Variants in DNAH8 observed in about 807,000 individuals in gnomAD.
DNAH8 encodes the protein axonemal beta dynein heavy chain 8.
In DNAH8, 382 loss-of-function variants were observed where a neutral mutation model predicts 562.1. That is an observed-to-expected ratio of 0.68 (90% CI 0.63 to 0.74). The LOEUF (loss-of-function observed/expected upper bound fraction) is 0.74, where lower values mean the gene tolerates loss of function less well. Among genes scored for constraint, DNAH8 ranks in the 30% least tolerant of loss-of-function variants. The pLI is 0.00. For synonymous variants in DNAH8, 1,881 were observed against 1,919.4 expected (o/e 0.98, Z 0.52); for missense variants, 5,203 against 5,620.4 (o/e 0.93, Z 2.37).
intron 79 of DNAH8, among the ~76,000 whole-genome samples, chr6:38,943,533 G>A (rs1783620888): frequency 6.6e-6 from 1 of 152,200 alleles, no homozygotes; most frequent in South Asian, 2.1e-4. Context: ...TATTTGCAAG[G>A]TGCCTTTGAC....
chr6:38,722,806 G>A lies in DNAH8; in HGVS notation c.-4G>A, dbSNP rs374378337. ...GAAGTATAAAGCATTCCGCACGACGGGGGATGGAGAAGGATGCTGAAGATG... is the reference window on the plus strand; with the variant it reads ...GAAGTATAAAGCATTCCGCACGACGAGGGATGGAGAAGGATGCTGAAGATG... On this transcript the variant is annotated 5_prime_UTR_variant, in exon 2 of 93. Coordinates refer to ENST00000327475, the MANE Select transcript of DNAH8 (RefSeq NM_001206927.2). The A allele has an allele frequency of 1.3e-6, 2 of 1,576,602 alleles. No individual in the cohort carries two copies. Among genetic ancestry groups the A allele is most frequent in the Admixed American group, 1.9e-5 (1 of 52,038 alleles).
At chr6:38,734,724 C>A in intron 5 of DNAH8, 99 bp downstream of exon 5, 1 of 1,300,742 alleles carries the variant, frequency 7.7e-7, no homozygotes, top group Non-Finnish European at 1.0e-6. Context: ...AAATATAGGA[C>A]TGAATTGAGT....
At position 38,761,683 on chromosome 6, in the gene DNAH8, G is replaced by A. The variant is rs749606365; in HGVS notation, c.1516-19G>A. ...TTCTCTTTTTACATATAATTATTTT[G>A]TACCTATATTTATTTCAGGTAACAA... is the stretch of plus-strand genomic sequence containing the variant. On this transcript the variant is annotated intron_variant, in intron 10 of 92. Coordinates refer to ENST00000327475, the MANE Select transcript of DNAH8 (RefSeq NM_001206927.2). 10 of 1,264,998 alleles carry A rather than the reference G, an allele frequency of 7.9e-6. No homozygotes were observed. Among genetic ancestry groups the A allele is most frequent in the African/African-American group, 1.6e-5 (1 of 63,872 alleles). The allele number at this position is 1,264,998 out of a possible 1,614,324, so 78.4% of individuals were successfully genotyped here. A position where few individuals can be genotyped will look rare whatever the true frequency, so the allele number is the denominator to read the frequency against.
At chr6:39,022,832 A>G (rs1029072721) in intron 91 of DNAH8, among the ~76,000 whole-genome samples, 3 of 152,242 alleles carry the variant, frequency 2.0e-5, no homozygotes, top group East Asian at 1.9e-4. Context: ...CCCACCCTGC[A>G]CTGTGGGCTC....
intron 82 of DNAH8, among the ~76,000 whole-genome samples, chr6:38,970,181 C>T (rs974212686): frequency 1.6e-4 from 25 of 152,294 alleles, no homozygotes; most frequent in African/African-American, 5.8e-4. Flanking sequence ...GAGGCTGTGG[C>T]TCACACTCAT....
At chr6:38,732,642 T>A (rs965386634) in intron 4 of DNAH8, among the ~76,000 whole-genome samples, 1 of 152,150 alleles carries the variant, frequency 6.6e-6, no homozygotes, top group Admixed American at 6.5e-5. Flanking sequence ...TTCAGGGCAG[T>A]TTCTTTAGGA....
chr6:39,030,312 ACT>A lies in DNAH8; in HGVS notation c.14045_14046del (p.Thr4682SerfsTer23), dbSNP rs765844699. 9 of 1,614,122 alleles carry A rather than the reference ACT, an allele frequency of 5.6e-6. No homozygotes were observed. The highest frequency in any genetic ancestry group is 7.6e-6 in the Non-Finnish European group (9 of 1,179,996). On this transcript the variant is annotated frameshift_variant, in exon 93 of 93. Transcript: ENST00000327475. LOFTEE classifies it high-confidence loss of function. ...KPRRTDLTFITVVYLRTVLSP... is the reference protein window; with the variant it reads ...KPRRTDLTFIXVVYLRTVLSP... ...CAGGCGAACTGATTTGACCTTCATC[ACT>A]GTGGTATATTTACGAACAGTGTTGT...
intron 53 of DNAH8, among the ~76,000 whole-genome samples, chr6:38,881,704 A>G (rs555858384): frequency 6.6e-6 from 1 of 152,038 alleles, no homozygotes; most frequent in South Asian, 2.1e-4. Flanking sequence ...GGCATGCACC[A>G]CCAGGCCTGG....
chr6:39,020,761 A>G (rs1223662931), intron 91 of DNAH8, among the ~76,000 whole-genome samples: 1 of 152,072 alleles, frequency 6.6e-6, no homozygotes, highest in Non-Finnish European at 1.5e-5. Context: ...GAGTGAGAAC[A>G]CGCGGTGTTT....
At position 38,984,193 on chromosome 6, in the gene DNAH8, A is replaced by T. The variant is rs918727476; in HGVS notation, c.12952-13A>T. Reference sequence around the variant, plus strand: ...GGTTGACAATTAATAATCCTTTTTTACTTTTAATAAAGGGTGTATCATGGA... The same window carrying T: ...GGTTGACAATTAATAATCCTTTTTTTCTTTTAATAAAGGGTGTATCATGGA... On this transcript the variant is annotated splice_polypyrimidine_tract_variant and intron_variant, in intron 86 of 92. Transcript: ENST00000327475. 2 of 1,446,668 alleles carry T rather than the reference A, an allele frequency of 1.4e-6. No homozygotes were observed. Among genetic ancestry groups the T allele is most frequent in the African/African-American group, 1.4e-5 (1 of 71,190 alleles). 89.6% of individuals were successfully genotyped at this position (1,446,668 alleles called of 1,614,324 possible). A position where few individuals can be genotyped will look rare whatever the true frequency, so the allele number is the denominator to read the frequency against.
At chr6:38,750,244 C>T (rs1362356323) in intron 8 of DNAH8, among the ~76,000 whole-genome samples, 1 of 152,184 alleles carries the variant, frequency 6.6e-6, no homozygotes, top group African/African-American at 2.4e-5. Flanking sequence ...CAGTTCAAGC[C>T]TACAGACAGG....
At chr6:38,785,134 G>A (rs1031124822) in intron 17 of DNAH8, among the ~76,000 whole-genome samples, 3 of 152,228 alleles carry the variant, frequency 2.0e-5, no homozygotes, top group East Asian at 3.9e-4. Context: ...GAATTCTTTC[G>A]TGTTTTTTCA....
At chr6:38,803,036 A>G (rs980740431) in intron 21 of DNAH8, 143 bp from the exon 22 acceptor site, 4 of 561,976 alleles carry the variant, frequency 7.1e-6, no homozygotes, top group Non-Finnish European at 1.2e-5. Flanking sequence ...TTGAATCTGA[A>G]GCATTATGCC....
intron 76 of DNAH8, among the ~76,000 whole-genome samples, chr6:38,934,209 C>T (rs1421892009): frequency 1.3e-5 from 2 of 151,838 alleles, no homozygotes; most frequent in Non-Finnish European, 2.9e-5. Flanking sequence ...AAAAATTAGC[C>T]AGGCGTGGTG....
chr6:38,928,939 T>G (rs1561875079), intron 74 of DNAH8, among the ~76,000 whole-genome samples: 1 of 152,174 alleles, frequency 6.6e-6, no homozygotes. Flanking sequence ...AGAATTGCAG[T>G]TTTAAAAAAA....
chr6:38,841,024 A>C (rs566319251), intron 33 of DNAH8, among the ~76,000 whole-genome samples: 1 of 152,286 alleles, frequency 6.6e-6, no homozygotes, highest in East Asian at 1.9e-4. Flanking sequence ...AAATAATTCT[A>C]AGAATGATGA....
In DNAH8 at chr6:38,799,898, G is replaced by A. The variant is rs546862442; in HGVS notation, c.2902-3281G>A. 4.9e-4 allele frequency among the ~76,000 whole-genome samples: 75 copies of A among 152,204 alleles called. 1 individual carries two copies. The South Asian group carries it at 0.015, about 31-fold the overall frequency. ...TGACTAGCTTCTTTCTCTTAGTGGAGTGTTTTCAAAATTTATTCATAGTAG... is the reference window on the plus strand; with the variant it reads ...TGACTAGCTTCTTTCTCTTAGTGGAATGTTTTCAAAATTTATTCATAGTAG... On this transcript the variant is annotated intron_variant, in intron 21 of 92. Transcript: ENST00000327475.
At chr6:38,746,245 A>G (rs548673173) in intron 8 of DNAH8, among the ~76,000 whole-genome samples, 1 of 152,182 alleles carries the variant, frequency 6.6e-6, no homozygotes, top group Non-Finnish European at 1.5e-5. Flanking sequence ...ATCGAATACT[A>G]TCATTATTTA....
At chr6:38,723,976 T>TA (rs201325831) in intron 3 of DNAH8, among the ~76,000 whole-genome samples, 41 of 117,064 alleles carry the variant, frequency 3.5e-4, no homozygotes, top group Non-Finnish European at 4.8e-4. Context: ...TAAATTTAAT[T>TA]AATTAATTAA....
Sources: gnomAD v4.1 joint callset for allele counts (sites outside exome capture counted in the v4.1 genomes callset) on GRCh38, gnomAD v4.1.1 for gene constraint, MANE v1.5 for transcripts, NCBI Gene and HGNC (gene_info 2026-07-23, HGNC 2026-07-21) for gene names.